The following UNC13C variants were observed in gnomAD, a reference collection of about 807,000 sequenced individuals.
The protein encoded by UNC13C is unc-13 homolog C.
UNC13C carries 174 observed loss-of-function variants against 245.4 expected under a neutral mutation model. The observed-to-expected ratio is 0.71, with a 90% CI of 0.63 to 0.80. The LOEUF (loss-of-function observed/expected upper bound fraction) is 0.80, where lower values mean the gene tolerates loss of function less well. UNC13C is among the 30% of genes least tolerant of loss of function. The pLI is 0.00. For missense variants in UNC13C, 2,829 were observed against 2,602.9 expected, an observed-to-expected ratio of 1.09 and a Z score of -1.89; for synonymous variants, 992 against 895.1, an observed-to-expected ratio of 1.11 and a Z score of -1.93.
chr15:54,379,807 A>G (rs1008192784), intron 17 of UNC13C, among the ~76,000 whole-genome samples: 3 of 152,146 alleles, frequency 2.0e-5, no homozygotes, highest in African/African-American at 7.2e-5. Context: ...ATAAGTTGCA[A>G]TTCACACTTT....
chr15:53,909,043 C>A, the UNC13C span, among the ~76,000 whole-genome samples: 1 of 146,106 alleles, frequency 6.8e-6, no homozygotes, highest in Non-Finnish European at 1.5e-5. Context: ...TTATCAAAAA[C>A]TTATATGCAT....
the UNC13C span, among the ~76,000 whole-genome samples, chr15:53,932,861 A>G: frequency 6.6e-6 from 1 of 152,140 alleles, no homozygotes; most frequent in African/African-American, 2.4e-5. Context: ...TCTCTTAAAC[A>G]TCCCCATTTA....
the UNC13C span, among the ~76,000 whole-genome samples, chr15:53,860,462 T>C: frequency 6.6e-6 from 1 of 152,140 alleles, no homozygotes; most frequent in East Asian, 1.9e-4. Context: ...GCAACCCCTA[T>C]TTAGATGCTT....
intron 2 of UNC13C, among the ~76,000 whole-genome samples, chr15:54,053,471 C>T (rs888059807): frequency 6.6e-6 from 1 of 152,120 alleles, no homozygotes; most frequent in Non-Finnish European, 1.5e-5. Flanking sequence ...TGCTTCCCTG[C>T]CTACCTATAT....
chr15:54,485,131 C>G (rs957762855), intron 19 of UNC13C, among the ~76,000 whole-genome samples: 8 of 151,906 alleles, frequency 5.3e-5, no homozygotes, highest in Non-Finnish European at 1.0e-4. Flanking sequence ...AAGCTATAAA[C>G]CAGCAAAGCT....
At chr15:54,217,531 G>A (rs1166762861) in intron 4 of UNC13C, among the ~76,000 whole-genome samples, 1 of 151,866 alleles carries the variant, frequency 6.6e-6, no homozygotes, top group South Asian at 2.1e-4. Context: ...CTGTTCCTTA[G>A]TTTGGATGAT....
At chr15:54,077,493 C>G (rs576587174) in intron 2 of UNC13C, among the ~76,000 whole-genome samples, 2 of 146,896 alleles carry the variant, frequency 1.4e-5, no homozygotes. Context: ...ATTCTCCTGC[C>G]TCAGCCTCCC....
chr15:54,332,002 C>A, intron 14 of UNC13C, 41 bp from the exon 15 acceptor site: 1 of 1,353,012 alleles, frequency 7.4e-7, no homozygotes, highest in Non-Finnish European at 1.0e-6. Context: ...TTAGAGTGGT[C>A]ATTTATTTCC....
rs138170160 is a variant in UNC13C, at chr15:54,228,919, G to A, written c.3072-6111G>A. Among the ~76,000 whole-genome samples the A allele has an allele frequency of 3.9e-3, 589 of 152,274 alleles. 7 individuals carry two copies. The highest frequency in any genetic ancestry group is 0.013 in the African/African-American group (559 of 41,552). Reference sequence around the variant, plus strand: ...ACTGGCTCTAAGCATAGCACAGCACGAGGATTTTCAGTCCTTGTACCTAGA... The same window carrying A: ...ACTGGCTCTAAGCATAGCACAGCACAAGGATTTTCAGTCCTTGTACCTAGA... On this transcript the variant is annotated intron_variant, in intron 4 of 32. Coordinates refer to ENST00000260323, the MANE Select transcript of UNC13C (RefSeq NM_001080534.3).
intron 2 of UNC13C, among the ~76,000 whole-genome samples, chr15:54,069,350 A>C (rs1166121548): frequency 6.6e-6 from 1 of 152,202 alleles, no homozygotes; most frequent in South Asian, 2.1e-4. Context: ...TCTCCTTTGT[A>C]TCACAGTGAC....
At chr15:54,017,498 G>C (rs1895714099) in intron 2 of UNC13C, among the ~76,000 whole-genome samples, 1 of 152,004 alleles carries the variant, frequency 6.6e-6, no homozygotes, top group South Asian at 2.1e-4. Flanking sequence ...GTGTGTGTGT[G>C]TGTGTGTGTG....
intron 32 of UNC13C, among the ~76,000 whole-genome samples, 183 bp downstream of exon 32, chr15:54,624,137 G>C (rs969961074): frequency 2.6e-5 from 4 of 151,650 alleles, no homozygotes; most frequent in African/African-American, 9.8e-5. Context: ...TAGTCATTAG[G>C]TGTATATATC....
chr15:54,383,551 C>T (rs182436987), intron 17 of UNC13C, among the ~76,000 whole-genome samples: 86 of 152,098 alleles, frequency 5.7e-4, no homozygotes, highest in African/African-American at 1.9e-3. Flanking sequence ...GATAAACCCA[C>T]GCTAACATCA....
chr15:54,541,443 C>G (rs557849159), intron 26 of UNC13C, among the ~76,000 whole-genome samples: 1 of 152,118 alleles, frequency 6.6e-6, no homozygotes, highest in South Asian at 2.1e-4. Flanking sequence ...CTCTGTGAAA[C>G]AGGTTTAATT....
chr15:54,614,273 A>G (rs1322501777), intron 30 of UNC13C, among the ~76,000 whole-genome samples: 1 of 151,922 alleles, frequency 6.6e-6, no homozygotes, highest in Non-Finnish European at 1.5e-5. Context: ...GGTCGTTGCT[A>G]ATACCCACAT....
chr15:54,187,029 G>A (rs542388519), intron 4 of UNC13C, among the ~76,000 whole-genome samples: 25 of 151,750 alleles, frequency 1.6e-4, no homozygotes, highest in African/African-American at 6.0e-4. Context: ...TTGTATTTTA[G>A]TAGAGACAGG....
chr15:53,990,742 A>C (rs547961059), intron 1 of UNC13C, among the ~76,000 whole-genome samples: 6 of 152,120 alleles, frequency 3.9e-5, no homozygotes, highest in African/African-American at 1.2e-4. Context: ...GCATTTCCTC[A>C]GTGGCTTAAC....
chr15:54,495,383 AG>A (rs1274309434), intron 20 of UNC13C, among the ~76,000 whole-genome samples: 3 of 152,098 alleles, frequency 2.0e-5, no homozygotes, highest in Non-Finnish European at 4.4e-5. Flanking sequence ...TTATAAAGCA[AG>A]GCAAAGTGAA....
intron 11 of UNC13C, among the ~76,000 whole-genome samples, chr15:54,297,423 G>T (rs1356592870): frequency 6.6e-6 from 1 of 151,992 alleles, no homozygotes; most frequent in Non-Finnish European, 1.5e-5. Flanking sequence ...TGTGATCATA[G>T]CTTAGTATAA....
Sources: allele counts gnomAD v4.1 joint callset (sites outside exome capture counted in the v4.1 genomes callset), GRCh38; gene constraint gnomAD v4.1.1; transcripts MANE v1.5; gene names NCBI Gene and HGNC (gene_info 2026-07-23, HGNC 2026-07-21).